The following ZNF607 variants were observed in gnomAD, a reference collection of about 807,000 sequenced individuals.
The protein encoded by ZNF607 is zinc finger protein 607.
A neutral mutation model predicts 12.8 loss-of-function variants in ZNF607; 5 were observed. That is an observed-to-expected ratio of 0.39 (90% CI 0.20 to 0.82). The LOEUF is 0.82. ZNF607 is among the 40% of genes least tolerant of loss of function. ZNF607 has a pLI of 0.39. For missense variants in ZNF607, 851 were observed against 859.2 expected (o/e 0.99, Z 0.12); for synonymous variants, 287 against 276.2 (o/e 1.04, Z -0.39).
In ZNF607 at chr19:37,696,970, G is replaced by C. The variant is rs890475357; in HGVS notation, c.*1070C>G. The C allele has an allele frequency of 1.1e-5, 8 of 698,788 alleles. No homozygotes were observed. Among genetic ancestry groups the C allele is most frequent in the Middle Eastern group, 3.2e-4 (1 of 3,096 alleles). 43.3% of individuals were successfully genotyped at this position (698,788 alleles called of 1,614,324 possible). On this transcript the variant is annotated 3_prime_UTR_variant, in exon 5 of 5. Coordinates refer to ENST00000355202, the MANE Select transcript of ZNF607 (RefSeq NM_032689.5). ...TTGTTGCTCACCTGGCTGGAGACCA[G>C]CTCCCTCTGGGTGATTAGTTCTCCA...
In ZNF607 at chr19:37,698,244, G is replaced by A; in HGVS notation, c.1887C>T (p.Ala629=). ...CGCTTTCATGTCTAACAAGATATGA[G>A]GCACAGTGAAATGCCTTCCCACATC... is the stretch of plus-strand genomic sequence containing the variant. ...CKRCGKAFHC[A]SYLVRHESVH... Residue 629 remains alanine (A), a synonymous_variant, in exon 5 of 5, where the codon GCC becomes GCT. Coordinates refer to ENST00000355202, the MANE Select transcript of ZNF607 (RefSeq NM_032689.5). 1 of 1,614,132 alleles carries A rather than the reference G, an allele frequency of 6.2e-7. No homozygotes were observed. The highest frequency in any genetic ancestry group is 8.5e-7 in the Non-Finnish European group (1 of 1,180,016).
At chr19:37,711,725 G>T in intron 1 of ZNF607, 33 bp from the exon 2 acceptor site, 2 of 1,114,826 alleles carry the variant, frequency 1.8e-6, no homozygotes, top group Non-Finnish European at 2.7e-6. Flanking sequence ...GACCAGCTGT[G>T]CTTTAGTGGT....
In ZNF607 at chr19:37,696,954, AC is replaced by A; in HGVS notation, c.*1085del. 1.4e-6 allele frequency: 1 copy of A among 691,484 alleles called. No individual in the cohort carries two copies. The highest frequency in any genetic ancestry group is 2.6e-6 in the Non-Finnish European group (1 of 380,028). The allele number at this position is 691,484 out of a possible 1,614,324, so 42.8% of individuals were successfully genotyped here. A position where few individuals can be genotyped will look rare whatever the true frequency, so the allele number is the denominator to read the frequency against. On this transcript the variant is annotated 3_prime_UTR_variant, in exon 5 of 5. Transcript: ENST00000355202. ...TGCTCACTCCATAAGGTTGTTGCTC[AC>A]CTGGCTGGAGACCAGCTCCCTCTGG... is the stretch of plus-strand genomic sequence containing the variant.
In ZNF607 at chr19:37,705,908, A is replaced by G. The variant is rs73621584; in HGVS notation, c.235+2006T>C. On this transcript the variant is annotated intron_variant, in intron 4 of 4. Coordinates refer to ENST00000355202, the MANE Select transcript of ZNF607 (RefSeq NM_032689.5). ...TCAATAACCCAAACACTTCCTATAA[A>G]AACAGGTTGATGCCAGGCATGGTGG... 5.9e-3 allele frequency among the ~76,000 whole-genome samples: 892 copies of G among 151,836 alleles called. 10 individuals carry two copies. The highest frequency in any genetic ancestry group is 0.02 in the African/African-American group (842 of 41,408).
chr19:37,709,607 A>T, intron 3 of ZNF607, 89 bp downstream of exon 3: 1 of 1,439,072 alleles, frequency 6.9e-7, no homozygotes, highest in Non-Finnish European at 9.4e-7. Flanking sequence ...CTTAAAAGGC[A>T]GCCCTGAAAA....
Position 37,699,658 on chromosome 19 carries a change from CT to C in ZNF607, c.472del (p.Arg158GlufsTer367). 3 of 1,614,090 alleles carry C rather than the reference CT, an allele frequency of 1.9e-6. No homozygotes were observed. Among genetic ancestry groups the C allele is most frequent in the Non-Finnish European group, 2.5e-6 (3 of 1,179,982 alleles). On this transcript the variant is annotated frameshift_variant, in exon 5 of 5. Transcript: ENST00000355202. LOFTEE classifies it low-confidence loss of function (END_TRUNC). ...RKAFSHLTDL[R>X]KHQKINAREK... ...ACGAGCATTAATTTTCTGATGCTTT[CT>C]AAGGTCTGTAAGATGGCTAAATGCC...
intron 4 of ZNF607, among the ~76,000 whole-genome samples, chr19:37,707,705 G>A (rs544714886): frequency 1.4e-4 from 21 of 152,256 alleles, no homozygotes; most frequent in Admixed American, 3.9e-4. Context: ...CTCCCAAAGC[G>A]CTGGGATTAC....
At position 37,699,155 on chromosome 19, in the gene ZNF607, T is replaced by C. The variant is rs747858519; in HGVS notation, c.976A>G (p.Met326Val). The stretch of plus-strand genomic sequence containing the variant: ...TCCCCTGAATAAATTCTCTGATGCA[T>C]GGTAAGTTGATACCTACATGTAAAG... ...KGFTCRYQLTMHQRIYSGEKH... is the reference protein window; with the variant it reads ...KGFTCRYQLTVHQRIYSGEKH... Residue 326 changes from methionine (M) to valine (V), a missense_variant, in exon 5 of 5, where the codon ATG becomes GTG. Coordinates refer to ENST00000355202, the MANE Select transcript of ZNF607 (RefSeq NM_032689.5). 1.9e-6 allele frequency: 3 copies of C among 1,614,208 alleles called. No individual in the cohort carries two copies. Among genetic ancestry groups the C allele is most frequent in the South Asian group, 1.1e-5 (1 of 91,082 alleles).
At chr19:37,700,629 C>T (rs1042897319) in intron 4 of ZNF607, among the ~76,000 whole-genome samples, 1 of 151,940 alleles carries the variant, frequency 6.6e-6, no homozygotes, top group East Asian at 1.9e-4. Flanking sequence ...CATTCAGTAT[C>T]GGCAGGCAGG....
At chr19:37,708,676 G>A (rs2045106889) in intron 3 of ZNF607, among the ~76,000 whole-genome samples, 1 of 151,498 alleles carries the variant, frequency 6.6e-6, no homozygotes, top group Admixed American at 6.6e-5. Context: ...GTGAAACCCT[G>A]TCTCTACTAA....
intron 1 of ZNF607, among the ~76,000 whole-genome samples, chr19:37,714,408 A>T (rs118097513): frequency 0.15 from 22,840 of 151,136 alleles, 2,076 homozygotes; most frequent in Non-Finnish European, 0.21. Context: ...AAATAATTTT[A>T]AAAAAAATTA....
At chr19:37,715,281 C>T (rs898725482) in intron 1 of ZNF607, among the ~76,000 whole-genome samples, 2 of 151,156 alleles carry the variant, frequency 1.3e-5, no homozygotes, top group African/African-American at 4.9e-5. Context: ...TTTCATGGCC[C>T]ACCTTTAAGA....
In ZNF607 at chr19:37,697,761, T is replaced by G; in HGVS notation, c.*279A>C. The G allele has an allele frequency of 3.0e-6, 1 of 333,932 alleles. No individual in the cohort carries two copies. Among genetic ancestry groups the G allele is most frequent in the Non-Finnish European group, 5.4e-6 (1 of 184,028 alleles). 20.7% of individuals were successfully genotyped at this position (333,932 alleles called of 1,614,324 possible). On this transcript the variant is annotated 3_prime_UTR_variant, in exon 5 of 5. Transcript: ENST00000355202. ...CAGTTTTCCTCTACTGTGAATATTT[T>G]GGCAATCCAAAACTAGAGGAATATC... is the stretch of plus-strand genomic sequence containing the variant.
Position 37,697,033 on chromosome 19 carries a change from T to G in ZNF607, c.*1007A>C. 2.7e-6 allele frequency: 2 copies of G among 728,810 alleles called. No individual in the cohort carries two copies. The allele number at this position is 728,810 out of a possible 1,614,324, so 45.1% of individuals were successfully genotyped here. A position where few individuals can be genotyped will look rare whatever the true frequency, so the allele number is the denominator to read the frequency against. ...GCCACCAGTGACTTGAGGATCTCCG[T>G]GGTAATGAACGGCAGCACACACTCA... is the stretch of plus-strand genomic sequence containing the variant. On this transcript the variant is annotated 3_prime_UTR_variant, in exon 5 of 5. Transcript: ENST00000355202.
Position 37,697,903 on chromosome 19 carries a change from A to G in ZNF607, c.*137T>C, listed in dbSNP as rs2044990630. On this transcript the variant is annotated 3_prime_UTR_variant, in exon 5 of 5. Coordinates refer to ENST00000355202, the MANE Select transcript of ZNF607 (RefSeq NM_032689.5). ...TTTACATTTTGAAAAGTTCACACCA[A>G]TACAAATTGATGCCTAATAAAAACT... The G allele has an allele frequency of 3.7e-6, 3 of 805,976 alleles. No individual in the cohort carries two copies. Among genetic ancestry groups the G allele is most frequent in the Admixed American group, 5.6e-5 (2 of 35,468 alleles). The allele number at this position is 805,976 out of a possible 1,614,324, so 49.9% of individuals were successfully genotyped here. A position where few individuals can be genotyped will look rare whatever the true frequency, so the allele number is the denominator to read the frequency against.
In ZNF607 at chr19:37,698,740, A is replaced by C. The variant is rs372649195; in HGVS notation, c.1391T>G (p.Leu464Arg). 5 of 1,613,442 alleles carry C rather than the reference A, an allele frequency of 3.1e-6. No individual in the cohort carries two copies. Among genetic ancestry groups the C allele is most frequent in the Non-Finnish European group, 4.2e-6 (5 of 1,179,448 alleles). Residue 464 changes from leucine to arginine, a missense_variant, in exon 5 of 5, where the codon CTT (leucine) becomes CGT (arginine). Leu to Arg is a moderately radical substitution (Grantham distance 102). Transcript: ENST00000355202. ...TGTATGAATTCTCTCATGTATAACA[A>C]GATATGAGGCACAACGAAAGGACTT... is the stretch of plus-strand genomic sequence containing the variant. ...CGKSFRCASY[L>R]VIHERIHTGE...
At chr19:37,704,747 G>A (rs539099283) in intron 4 of ZNF607, among the ~76,000 whole-genome samples, 15 of 152,204 alleles carry the variant, frequency 9.9e-5, no homozygotes, top group Non-Finnish European at 1.6e-4. Context: ...CACAAGGTCA[G>A]GAGATAGAGA....
In ZNF607 at chr19:37,698,360, A is replaced by G; in HGVS notation, c.1771T>C (p.Cys591Arg). 2.5e-6 allele frequency: 4 copies of G among 1,614,152 alleles called. No homozygotes were observed. The highest frequency in any genetic ancestry group is 3.4e-6 in the Non-Finnish European group (4 of 1,180,002). Residue 591 changes from cysteine (C) to arginine (R), a missense_variant, in exon 5 of 5, where the codon TGT becomes CGT. Cys to Arg is a radical substitution (Grantham distance 180). Transcript: ENST00000355202. ...CTAAAAGTTTCCCCACATTCTTTACATTCATAGGACTTTTCACCAGCATGA... is the reference window on the plus strand; with the variant it reads ...CTAAAAGTTTCCCCACATTCTTTACGTTCATAGGACTTTTCACCAGCATGA... ...RTHAGEKSYE[C>R]KECGETFSHA...
At position 37,696,917 on chromosome 19, in the gene ZNF607, C is replaced by T; in HGVS notation, c.*1123G>A. On this transcript the variant is annotated 3_prime_UTR_variant, in exon 5 of 5. Transcript: ENST00000355202. ...TCAAAGACACGTCGTCCAGAATGAG[C>T]CCAAAGGTGGCTGCTCACTCCATAA... 2 of 673,910 alleles carry T rather than the reference C, an allele frequency of 3.0e-6. No individual in the cohort carries two copies. Among genetic ancestry groups the T allele is most frequent in the Non-Finnish European group, 2.7e-6 (1 of 369,916 alleles). 41.7% of individuals were successfully genotyped at this position (673,910 alleles called of 1,614,324 possible).
Sources: allele counts gnomAD v4.1 joint callset (sites outside exome capture counted in the v4.1 genomes callset), GRCh38; gene constraint gnomAD v4.1.1; transcripts MANE v1.5; gene names NCBI Gene and HGNC (gene_info 2026-07-23, HGNC 2026-07-21).